Variants in ZNF385D observed in about 807,000 individuals in gnomAD.
The protein encoded by ZNF385D is zinc finger protein 659.
ZNF385D carries 15 observed loss-of-function variants against 35.8 expected under a neutral mutation model. The ratio of observed to expected loss-of-function variants is 0.42; its 90% CI spans 0.28 to 0.64. ZNF385D has a LOEUF of 0.64. Among genes scored for constraint, ZNF385D ranks in the 30% least tolerant of loss-of-function variants. The pLI is 0.23. For synonymous variants in ZNF385D, 212 were observed against 186.8 expected (o/e 1.13, Z -1.10); for missense variants, 474 against 494.6 (o/e 0.96, Z 0.39).
chr3:22,339,509 T>C (rs1695326571), intron 2 of ZNF385D, among the ~76,000 whole-genome samples: 2 of 152,204 alleles, frequency 1.3e-5, no homozygotes, highest in East Asian at 3.9e-4. Context: ...ACATATGCAG[T>C]ATAGAAATTT....
At chr3:22,161,586 A>G (rs1354151140) in intron 3 of ZNF385D, among the ~76,000 whole-genome samples, 1 of 152,152 alleles carries the variant, frequency 6.6e-6, no homozygotes, top group East Asian at 1.9e-4. Context: ...AACTTCTAAT[A>G]TAGAATTCCT....
intron 3 of ZNF385D, among the ~76,000 whole-genome samples, chr3:22,008,591 C>T (rs896349241): frequency 2.0e-5 from 3 of 152,064 alleles, no homozygotes; most frequent in South Asian, 4.1e-4. Flanking sequence ...CTCCTGACCT[C>T]GTGATCCGCC....
At chr3:21,509,313 G>T (rs915235961) in intron 4 of ZNF385D, among the ~76,000 whole-genome samples, 2 of 152,016 alleles carry the variant, frequency 1.3e-5, no homozygotes, top group Non-Finnish European at 2.9e-5. Context: ...GCATCAAAAG[G>T]CTTCAGGATT....
intron 3 of ZNF385D, among the ~76,000 whole-genome samples, chr3:21,939,404 T>G (rs1161115767): frequency 6.6e-6 from 1 of 152,130 alleles, no homozygotes; most frequent in East Asian, 1.9e-4. Flanking sequence ...AAAACATAGT[T>G]TGACCTGACT....
chr3:21,602,657 C>T (rs967499087), intron 2 of ZNF385D, among the ~76,000 whole-genome samples: 2 of 150,116 alleles, frequency 1.3e-5, no homozygotes, highest in Admixed American at 6.6e-5. Flanking sequence ...CTCAGCCTCC[C>T]GAGTAGCTGG....
intron 3 of ZNF385D, among the ~76,000 whole-genome samples, chr3:21,763,256 TG>T (rs2070696358): frequency 1.3e-5 from 2 of 152,128 alleles, no homozygotes; most frequent in African/African-American, 4.8e-5. Flanking sequence ...TGAGTAACAG[TG>T]ATGGCTCCGA....
intron 3 of ZNF385D, among the ~76,000 whole-genome samples, chr3:21,822,045 T>C (rs1346356613): frequency 6.6e-6 from 1 of 151,876 alleles, no homozygotes; most frequent in African/African-American, 2.4e-5. Flanking sequence ...CCAATATTTC[T>C]CCACCATTGG....
At chr3:22,172,391 T>TA (rs1261872434) in intron 2 of ZNF385D, among the ~76,000 whole-genome samples, 1 of 152,200 alleles carries the variant, frequency 6.6e-6, no homozygotes, top group Admixed American at 6.5e-5. Context: ...TAAGCTATAT[T>TA]AAAAAATGTA....
chr3:21,683,131 A>C (rs896816475), intron 1 of ZNF385D, among the ~76,000 whole-genome samples: 7 of 149,778 alleles, frequency 4.7e-5, no homozygotes, highest in Non-Finnish European at 8.9e-5. Flanking sequence ...TACATGATCC[A>C]CAAATTGAAA....
chr3:21,787,891 G>C (rs902066834), intron 3 of ZNF385D, among the ~76,000 whole-genome samples: 11 of 145,648 alleles, frequency 7.6e-5, no homozygotes, highest in Non-Finnish European at 1.3e-4. Context: ...GCAGAGAGGC[G>C]AGATCGAGCC....
chr3:21,698,137 C>A lies in ZNF385D; in HGVS notation c.23-33109G>T, dbSNP rs60903413. 5.3e-3 allele frequency among the ~76,000 whole-genome samples: 805 copies of A among 152,254 alleles called. 4 individuals are homozygous for A. Among genetic ancestry groups the A allele is most frequent in the African/African-American group, 0.019 (774 of 41,552 alleles). ...AAAAGAAATCATTATGTAAAAAAGA[C>A]ACCTGCACACATATGTTTATTGCAG... On this transcript the variant is annotated intron_variant, in intron 1 of 7. Coordinates refer to ENST00000281523, the MANE Select transcript of ZNF385D (RefSeq NM_024697.3).
chr3:22,096,747 G>A (rs1237881958), intron 3 of ZNF385D, among the ~76,000 whole-genome samples: 2 of 152,026 alleles, frequency 1.3e-5, no homozygotes, highest in Non-Finnish European at 2.9e-5. Flanking sequence ...CATGGCACAT[G>A]AAACAGGATG....
At chr3:21,780,816 G>T (rs149665127) in intron 3 of ZNF385D, among the ~76,000 whole-genome samples, 20 of 152,016 alleles carry the variant, frequency 1.3e-4, no homozygotes, top group African/African-American at 3.9e-4. Context: ...TCAGATACCA[G>T]CAACAACAAA....
chr3:21,496,899 T>G (rs1019040217), intron 4 of ZNF385D, among the ~76,000 whole-genome samples: 2 of 151,984 alleles, frequency 1.3e-5, no homozygotes, highest in African/African-American at 4.8e-5. Context: ...GGAGCATACT[T>G]CAAAATAATT....
intron 2 of ZNF385D, among the ~76,000 whole-genome samples, chr3:22,260,622 T>C (rs1700579479): frequency 6.6e-6 from 1 of 152,044 alleles, no homozygotes; most frequent in Admixed American, 6.6e-5. Flanking sequence ...TTAGAATTTC[T>C]ACTTAATACT....
intron 3 of ZNF385D, among the ~76,000 whole-genome samples, chr3:21,817,165 C>A (rs1487291450): frequency 6.6e-6 from 1 of 152,120 alleles, no homozygotes; most frequent in Non-Finnish European, 1.5e-5. Flanking sequence ...CTTCTTGACA[C>A]CTTATACAAA....
intron 3 of ZNF385D, among the ~76,000 whole-genome samples, chr3:21,995,141 C>T (rs952453758): frequency 4.6e-5 from 7 of 152,242 alleles, no homozygotes; most frequent in Non-Finnish European, 1.0e-4. Flanking sequence ...AGCCAACCTT[C>T]AGGCCCCTAG....
chr3:21,476,040 A>G (rs1369123015), intron 4 of ZNF385D, among the ~76,000 whole-genome samples: 1 of 152,152 alleles, frequency 6.6e-6, no homozygotes, highest in Non-Finnish European at 1.5e-5. Context: ...GAGATAGAGC[A>G]CAGTTAAATA....
chr3:21,728,350 T>C (rs2068854350), intron 1 of ZNF385D, among the ~76,000 whole-genome samples: 1 of 151,734 alleles, frequency 6.6e-6, no homozygotes, highest in South Asian at 2.1e-4. Flanking sequence ...ACAAATATGG[T>C]GGCATTTTAT....
Sources: gnomAD v4.1 joint callset for allele counts (sites outside exome capture counted in the v4.1 genomes callset) on GRCh38, gnomAD v4.1.1 for gene constraint, MANE v1.5 for transcripts, NCBI Gene and HGNC (gene_info 2026-07-23, HGNC 2026-07-21) for gene names.